ADGRB3: variants seen among roughly 807,000 people sequenced by gnomAD.
ADGRB3 encodes brain-specific angiogenesis inhibitor 3.
A neutral mutation model predicts 193.4 loss-of-function variants in ADGRB3; 37 were observed. That is an observed-to-expected ratio of 0.19 (90% CI 0.15 to 0.25). The LOEUF (loss-of-function observed/expected upper bound fraction) is 0.25. Ranked by LOEUF, ADGRB3 falls within the 10% of genes least tolerant of loss-of-function variation. The pLI is 1.00. For synonymous variants in ADGRB3, 690 were observed against 644.2 expected (o/e 1.07, Z -1.08); for missense variants, 1,637 against 1,852.9 (o/e 0.88, Z 2.14).
At chr6:68,805,766 A>G (rs1767389962) in intron 3 of ADGRB3, among the ~76,000 whole-genome samples, 1 of 152,218 alleles carries the variant, frequency 6.6e-6, no homozygotes, top group Admixed American at 6.5e-5. Flanking sequence ...TTATAAATGA[A>G]TGAACAATAC....
At chr6:69,287,868 C>T (rs1767585378) in intron 20 of ADGRB3, among the ~76,000 whole-genome samples, 2 of 152,230 alleles carry the variant, frequency 1.3e-5, no homozygotes, top group East Asian at 3.9e-4. Flanking sequence ...ATAATATCTC[C>T]AGGAATCTCA....
At chr6:69,102,348 A>G (rs774239934) in intron 17 of ADGRB3, among the ~76,000 whole-genome samples, 1 of 152,180 alleles carries the variant, frequency 6.6e-6, no homozygotes. Flanking sequence ...AGCATTAAGT[A>G]AGTCAGTATG....
chr6:69,279,500 A>G (rs1767386906), intron 20 of ADGRB3, among the ~76,000 whole-genome samples: 1 of 151,844 alleles, frequency 6.6e-6, no homozygotes, highest in Non-Finnish European at 1.5e-5. Flanking sequence ...TTCTTAAGTA[A>G]TGATGCTTTC....
intron 20 of ADGRB3, among the ~76,000 whole-genome samples, chr6:69,243,214 TA>T (rs958980145): frequency 6.6e-6 from 1 of 151,612 alleles, no homozygotes; most frequent in Non-Finnish European, 1.5e-5. Context: ...TACCAGGTTA[TA>T]AAAAAAAGCA....
At chr6:68,854,291 TAGGA>T (rs1490828423) in intron 3 of ADGRB3, among the ~76,000 whole-genome samples, 1 of 152,172 alleles carries the variant, frequency 6.6e-6, no homozygotes, top group Non-Finnish European at 1.5e-5. Flanking sequence ...TACTGTTAAA[TAGGA>T]AGAATAACAT....
intron 11 of ADGRB3, among the ~76,000 whole-genome samples, chr6:69,010,976 T>C (rs758700543): frequency 1.3e-5 from 2 of 152,020 alleles, no homozygotes; most frequent in East Asian, 3.9e-4. Context: ...AGCAGCTTCA[T>C]ACTTTGAAAA....
At chr6:69,330,645 G>A (rs1768699611) in intron 23 of ADGRB3, 73 bp downstream of exon 23, 6 of 1,285,872 alleles carry the variant, frequency 4.7e-6, no homozygotes, top group East Asian at 2.4e-5. Flanking sequence ...AATTAGAGTG[G>A]CAATTTTGAT....
intron 26 of ADGRB3, among the ~76,000 whole-genome samples, chr6:69,353,040 T>A (rs1436459679): frequency 1.3e-5 from 2 of 152,114 alleles, no homozygotes. Flanking sequence ...GACATTGACA[T>A]TGACTTGGAA....
chr6:69,000,369 T>C (rs1210981238), intron 11 of ADGRB3, among the ~76,000 whole-genome samples: 1 of 152,242 alleles, frequency 6.6e-6, no homozygotes, highest in Non-Finnish European at 1.5e-5. Flanking sequence ...AAAATGACTT[T>C]GTTTTATGTG....
intron 3 of ADGRB3, among the ~76,000 whole-genome samples, chr6:68,749,793 T>C (rs1417270571): frequency 6.6e-6 from 1 of 152,182 alleles, no homozygotes; most frequent in Non-Finnish European, 1.5e-5. Flanking sequence ...AAATAGTCTG[T>C]ATCTGGCATG....
chr6:68,945,105 T>A (rs1331845323), intron 6 of ADGRB3, among the ~76,000 whole-genome samples: 1 of 152,146 alleles, frequency 6.6e-6, no homozygotes, highest in Non-Finnish European at 1.5e-5. Flanking sequence ...GTGAAGAATA[T>A]GAAAAACAAT....
At chr6:69,052,940 C>T (rs1771442280) in intron 15 of ADGRB3, among the ~76,000 whole-genome samples, 1 of 152,138 alleles carries the variant, frequency 6.6e-6, no homozygotes, top group African/African-American at 2.4e-5. Flanking sequence ...AATCCCAGCA[C>T]TTTGGGAGGC....
Position 69,273,697 on chromosome 6 carries a change from C to A in ADGRB3, c.2814+34471C>A, listed in dbSNP as rs548671906. Among the ~76,000 whole-genome samples, 424 of 152,258 alleles carry A rather than the reference C, an allele frequency of 2.8e-3. 1 individual carries two copies. Among genetic ancestry groups the A allele is most frequent in the Middle Eastern group, 6.8e-3 (2 of 294 alleles). The stretch of plus-strand genomic sequence containing the variant: ...AGTTTCTTTGTGTGCCTCCGTAAAA[C>A]CAGTAATGCCGAGGAAAAACAAGAC... On this transcript the variant is annotated intron_variant, in intron 20 of 31. Coordinates refer to ENST00000370598, the MANE Select transcript of ADGRB3 (RefSeq NM_001704.3).
chr6:69,308,319 GTA>G (rs1441239448), intron 20 of ADGRB3, among the ~76,000 whole-genome samples: 1 of 151,408 alleles, frequency 6.6e-6, no homozygotes, highest in Non-Finnish European at 1.5e-5. Flanking sequence ...GAGGTACTAG[GTA>G]TTAAATACTA....
At chr6:69,311,905 A>T (rs984609574) in intron 20 of ADGRB3, among the ~76,000 whole-genome samples, 1 of 151,812 alleles carries the variant, frequency 6.6e-6, no homozygotes. Context: ...TCATACCTAC[A>T]TCCTCTTTTG....
chr6:69,010,903 C>A (rs1226516272), intron 11 of ADGRB3, among the ~76,000 whole-genome samples: 1 of 151,796 alleles, frequency 6.6e-6, no homozygotes, highest in Non-Finnish European at 1.5e-5. Context: ...CAAAAGAGAA[C>A]TATTATCACC....
chr6:68,940,172 A>G (rs1767595821), intron 5 of ADGRB3, among the ~76,000 whole-genome samples: 2 of 152,318 alleles, frequency 1.3e-5, no homozygotes, highest in Middle Eastern at 3.4e-3. Flanking sequence ...GTAAAAAACA[A>G]TGGACATAAA....
intron 20 of ADGRB3, among the ~76,000 whole-genome samples, chr6:69,266,090 G>A (rs1767033789): frequency 6.6e-6 from 1 of 151,856 alleles, no homozygotes; most frequent in Non-Finnish European, 1.5e-5. Flanking sequence ...AATGTTTTAT[G>A]TCAATAAGTT....
At chr6:68,910,175 C>T (rs1033449369) in intron 3 of ADGRB3, among the ~76,000 whole-genome samples, 3 of 152,174 alleles carry the variant, frequency 2.0e-5, no homozygotes, top group Admixed American at 6.5e-5. Context: ...AGCATTTTTT[C>T]ATGTGTCTTT....
Sources: allele counts gnomAD v4.1 joint callset (sites outside exome capture counted in the v4.1 genomes callset), GRCh38; gene constraint gnomAD v4.1.1; transcripts MANE v1.5; gene names NCBI Gene and HGNC (gene_info 2026-07-23, HGNC 2026-07-21).